SH3D21: variants seen among roughly 807,000 people sequenced by gnomAD.
The protein encoded by SH3D21 is SH3 domain-containing protein 21.
Under a neutral mutation model 82.1 loss-of-function variants are expected in SH3D21, and 83 were observed. The observed-to-expected ratio is 1.01, with a 90% confidence interval of 0.85 to 1.21. SH3D21 has a LOEUF of 1.21. SH3D21 is among the 50% of genes most tolerant of loss of function. The pLI is 0.00. For synonymous variants in SH3D21, 383 were observed against 387.8 expected (o/e 0.99, Z 0.15); for missense variants, 980 against 962.1 (o/e 1.02, Z -0.25).
intron 9 of SH3D21, among the ~76,000 whole-genome samples, chr1:36,309,194 ATT>A (rs762272484): frequency 4.2e-5 from 6 of 141,504 alleles, no homozygotes; most frequent in Non-Finnish European, 4.7e-5. Flanking sequence ...AGCATTTTAG[ATT>A]TTTTTTTTTT....
downstream of SH3D21, chr1:36,323,399 CCT>C: frequency 5.2e-6 from 1 of 193,002 alleles, no homozygotes; most frequent in Non-Finnish European, 1.1e-5. Context: ...AGGGAAGCTG[CCT>C]CTCTCCTCGC....
chr1:36,309,566 C>T lies in SH3D21; in HGVS notation c.745C>T (p.Arg249Trp), dbSNP rs138305352. ...GGCATAGATCAAGAAGCTGGTCCCA[C>T]GGAAAGTGGTATCTCGGGAATCAGG... The part of the protein sequence containing the change: ...PPPPIKKLVP[R>W]KVVSRESAPI... The change falls in exon 10 of 16, where the codon CGG becomes TGG. Residue 249 changes from arginine (R) to tryptophan (W), a missense_variant. Arg to Trp is a moderately radical substitution (Grantham distance 101, BLOSUM62 -3). Coordinates refer to ENST00000453908, the MANE Select transcript of SH3D21 (RefSeq NM_001162530.2). 141 of 1,551,640 alleles carry T rather than the reference C, an allele frequency of 9.1e-5. 1 individual carries two copies. In the African/African-American group the frequency reaches 1.2e-3, roughly 13 times the overall value.
In SH3D21 at chr1:36,320,461, C is replaced by G. The variant is rs1010020395; in HGVS notation, c.1798C>G (p.Pro600Ala). 1.9e-6 allele frequency: 3 copies of G among 1,613,606 alleles called. No individual in the cohort carries two copies. The highest frequency in any genetic ancestry group is 2.5e-6 in the Non-Finnish European group (3 of 1,179,854). Residue 600 changes from proline (P) to alanine (A), a missense_variant, in exon 14 of 16, where the codon CCT becomes GCT. By Grantham distance (27) the Pro-to-Ala change is conservative. Transcript: ENST00000453908. ...EEAPSNDERT[P>A]EEEAPPNEQR... ...GGCACCTTCCAATGACGAGAGGACC[C>G]CTGAAGAGGAGGCGCCCCCCAACGA...
downstream of SH3D21, chr1:36,324,237 G>A (rs1242678089): frequency 6.6e-6 from 1 of 152,304 alleles, no homozygotes; most frequent in African/African-American, 2.4e-5. Context: ...CCGGCCAGCA[G>A]TCTCGCAGAC....
chr1:36,316,266 G>T (rs1344800167), intron 10 of SH3D21, among the ~76,000 whole-genome samples: 5 of 152,020 alleles, frequency 3.3e-5, no homozygotes, highest in African/African-American at 1.2e-4. Context: ...ATGAAGTCTC[G>T]CTCTGTCGCC....
chr1:36,323,205 G>A, downstream of SH3D21: 2 of 724,322 alleles, frequency 2.8e-6, no homozygotes, highest in Non-Finnish European at 4.3e-6. Flanking sequence ...GTGGCGGCCC[G>A]GGGCCCTGTC....
chr1:36,319,436 T>C lies in SH3D21; in HGVS notation c.917-6T>C. On this transcript the variant is annotated splice_region_variant and splice_polypyrimidine_tract_variant and intron_variant, in intron 12 of 15. Transcript: ENST00000453908. ...GGCTTGGGTCCCTGAGGTTCTGCTCTCTTAGGCCCCAATGGTGGCTTCCAA... is the reference window on the plus strand; with the variant it reads ...GGCTTGGGTCCCTGAGGTTCTGCTCCCTTAGGCCCCAATGGTGGCTTCCAA... The C allele has an allele frequency of 3.9e-6, 6 of 1,551,588 alleles. No individual in the cohort carries two copies.
chr1:36,312,093 C>T (rs976433234), intron 10 of SH3D21, among the ~76,000 whole-genome samples: 13 of 149,834 alleles, frequency 8.7e-5, no homozygotes, highest in African/African-American at 2.7e-4. Context: ...GGTGAGATCT[C>T]GGCTCACTGC....
chr1:36,306,714 T>A lies in SH3D21; in HGVS notation c.121T>A (p.Phe41Ile). The A allele has an allele frequency of 7.8e-7, 1 of 1,290,034 alleles. No individual in the cohort carries two copies. Among genetic ancestry groups the A allele is most frequent in the Non-Finnish European group, 1.0e-6 (1 of 986,736 alleles). The allele number at this position is 1,290,034 out of a possible 1,614,324, so 79.9% of individuals were successfully genotyped here. The change falls in exon 2 of 16, where the codon TTT becomes ATT. Residue 41 changes from phenylalanine to isoleucine, a missense_variant. Coordinates refer to ENST00000453908, the MANE Select transcript of SH3D21 (RefSeq NM_001162530.2). The surrounding 1 kb of genome is among the most constrained non-coding windows in gnomAD (Gnocchi z 4.5). ...CGCGCGGGGCTGGCTTCGCGGAGAG[T>A]TTGGGGGCCGCTATGGCCTCTTCCC... ...VPARGWLRGE[F>I]GGRYGLFPER...
intron 7 of SH3D21, 39 bp downstream of exon 7, chr1:36,308,002 A>C (rs1278334251): frequency 1.8e-5 from 28 of 1,550,908 alleles, no homozygotes; most frequent in African/African-American, 2.7e-5. Context: ...TCCCTCAGCC[A>C]CTCCCAAGGT....
rs1039460691 is a variant in SH3D21 at position 36,307,113 on chromosome 1, G to C, written c.227-54G>C. On this transcript the variant is annotated intron_variant, in intron 3 of 15. Transcript: ENST00000453908. This position sits in a 1 kb window ranked among gnomAD's most constrained non-coding sequence, Gnocchi z 5.4. ...ACGTGCGCGCCTTGCGCTTCCCCCA[G>C]CTCCTCTGACTGGGGCGTCCGACTG... 2.6e-6 allele frequency: 4 copies of C among 1,547,290 alleles called. No individual in the cohort carries two copies. In the South Asian group the frequency reaches 4.8e-5, roughly 19 times the overall value.
At chr1:36,322,752 G>T (rs768703283), downstream of SH3D21, 9 of 1,541,888 alleles carry the variant, frequency 5.8e-6, no homozygotes, top group African/African-American at 1.2e-4. Flanking sequence ...GGGGGTCACG[G>T]AGAGGCCCGG....
At chr1:36,309,210 T>A (rs905128032) in intron 9 of SH3D21, among the ~76,000 whole-genome samples, 3 of 151,710 alleles carry the variant, frequency 2.0e-5, no homozygotes, top group African/African-American at 7.3e-5. Flanking sequence ...TTTTTTTTTT[T>A]CTTGAAGACA....
downstream of SH3D21, chr1:36,322,476 C>T (rs1470703160): frequency 4.4e-6 from 7 of 1,604,278 alleles, no homozygotes; most frequent in South Asian, 5.5e-5. Flanking sequence ...GTTGAGGGGC[C>T]CGTCCGGCTC....
rs570193933 is a variant in SH3D21 at position 36,310,006 on chromosome 1, G to A, written c.769+416G>A. ...GTCTCACTCTGTCGCCCAGACTGGAGTGCAGTGGCTCAATCTCGGCTCACT... is the reference window on the plus strand; with the variant it reads ...GTCTCACTCTGTCGCCCAGACTGGAATGCAGTGGCTCAATCTCGGCTCACT... On this transcript the variant is annotated intron_variant, in intron 10 of 15. Coordinates refer to ENST00000453908, the MANE Select transcript of SH3D21 (RefSeq NM_001162530.2). 1.9e-3 allele frequency among the ~76,000 whole-genome samples: 287 copies of A among 152,126 alleles called. 1 individual carries two copies. The highest frequency in any genetic ancestry group is 6.7e-3 in the African/African-American group (278 of 41,496).
Position 36,306,619 on chromosome 1 carries a change from A to G in SH3D21, c.26A>G (p.Tyr9Cys). MEVLVLAG[Y>C]RAQKEDELSL... ...GCAGAAGTCCTCGTCCTGGCCGGAT[A>G]CCGCGCGCAGAAGGAGGACGAGCTG... Residue 9 changes from tyrosine (Y) to cysteine (C), a missense_variant, in exon 2 of 16, where the codon TAC becomes TGC. By Grantham distance (194) the Tyr-to-Cys change is radical. Coordinates refer to ENST00000453908, the MANE Select transcript of SH3D21 (RefSeq NM_001162530.2). The surrounding 1 kb of genome is among the most constrained non-coding windows in gnomAD (Gnocchi z 4.5). 7.7e-7 allele frequency: 1 copy of G among 1,302,600 alleles called. No individual in the cohort carries two copies. Among genetic ancestry groups the G allele is most frequent in the Non-Finnish European group, 1.0e-6 (1 of 988,722 alleles). The allele number at this position is 1,302,600 out of a possible 1,614,324, so 80.7% of individuals were successfully genotyped here.
intron 10 of SH3D21, 30 bp downstream of exon 10, chr1:36,309,620 G>A: frequency 6.4e-7 from 1 of 1,551,050 alleles, no homozygotes; most frequent in Non-Finnish European, 8.7e-7. Context: ...GGGATTGGGG[G>A]GTGTTCTCTG....
rs779512821 is a variant in SH3D21, at chr1:36,320,431, G to A, written c.1768G>A (p.Glu590Lys). 2 of 1,612,920 alleles carry A rather than the reference G, an allele frequency of 1.2e-6. No individual in the cohort carries two copies. The highest frequency in any genetic ancestry group is 1.7e-6 in the Non-Finnish European group (2 of 1,179,708). ...CCACGAAGAGGCTACAACCCTTCCAGAGGAGGCACCTTCCAATGACGAGAG... is the reference window on the plus strand; with the variant it reads ...CCACGAAGAGGCTACAACCCTTCCAAAGGAGGCACCTTCCAATGACGAGAG... ...HPHEEATTLP[E>K]EAPSNDERTP... The change falls in exon 14 of 16, where the codon GAG becomes AAG. Residue 590 changes from glutamate (E) to lysine (K), a missense_variant. Glu to Lys is a moderately conservative substitution (Grantham distance 56). Transcript: ENST00000453908.
downstream of SH3D21, chr1:36,327,852 T>C: frequency 7.8e-7 from 1 of 1,289,614 alleles, no homozygotes. Flanking sequence ...GTCCCCATGG[T>C]CCACATGCCC....
Sources: allele counts gnomAD v4.1 joint callset (sites outside exome capture counted in the v4.1 genomes callset), GRCh38; gene constraint gnomAD v4.1.1; non-coding constraint Gnocchi (gnomAD v3.1); transcripts MANE v1.5; gene names NCBI Gene and HGNC (gene_info 2026-07-23, HGNC 2026-07-21).